Variants in FARP1 observed in about 807,000 individuals in gnomAD.
The protein encoded by FARP1 is FERM, ARHGEF and pleckstrin domain-containing protein 1.
In FARP1, 52 loss-of-function variants were observed where a neutral mutation model predicts 128.8. That is an observed-to-expected ratio of 0.40 (90% CI 0.32 to 0.51). The LOEUF is 0.51. Ranked by LOEUF, FARP1 falls within the 20% of genes least tolerant of loss-of-function variation. The pLI is 0.45. For synonymous variants in FARP1, 580 were observed against 551.8 expected (o/e 1.05, Z -0.72); for missense variants, 1,333 against 1,367.9 (o/e 0.97, Z 0.40).
In FARP1 at chr13:98,390,890, G is replaced by C; in HGVS notation, c.1088+10G>C. 1.3e-6 allele frequency: 2 copies of C among 1,587,906 alleles called. No homozygotes were observed. The highest frequency in any genetic ancestry group is 8.6e-7 in the Non-Finnish European group (1 of 1,156,394). ...AGGTGCAGTTTGAAAGGTAAGAGAA[G>C]CTTCAATGCTACTTCCAGTCTGAGA... On this transcript the variant is annotated intron_variant, in intron 11 of 26. Transcript: ENST00000319562.
At chr13:98,416,955 C>T (rs1371253948) in intron 16 of FARP1, among the ~76,000 whole-genome samples, 1 of 152,132 alleles carries the variant, frequency 6.6e-6, no homozygotes, top group African/African-American at 2.4e-5. Flanking sequence ...AAACTTTGGC[C>T]AGAGTCACGT....
chr13:98,180,807 A>AT (rs1878450578), intron 1 of FARP1, among the ~76,000 whole-genome samples: 1 of 152,148 alleles, frequency 6.6e-6, no homozygotes, highest in African/African-American at 2.4e-5. Context: ...GCTGTGTTGA[A>AT]TGAGGAATGG....
intron 3 of FARP1, among the ~76,000 whole-genome samples, chr13:98,358,292 C>T (rs1284629518): frequency 6.6e-6 from 1 of 152,094 alleles, no homozygotes; most frequent in Non-Finnish European, 1.5e-5. Context: ...AGCCTGGAAA[C>T]TCACTCAAGG....
At chr13:98,402,473 C>T (rs1890816637) in intron 13 of FARP1, 1 of 152,178 alleles carries the variant, frequency 6.6e-6, no homozygotes, top group African/African-American at 2.4e-5. Flanking sequence ...ACTTAGGAGC[C>T]TGCAGTGGCA....
intron 2 of FARP1, among the ~76,000 whole-genome samples, chr13:98,309,505 C>T (rs1056530390): frequency 6.6e-6 from 1 of 152,036 alleles, no homozygotes; most frequent in Non-Finnish European, 1.5e-5. Flanking sequence ...AATATGGCTA[C>T]TAGAAACTTT....
Position 98,176,239 on chromosome 13 carries a change from G to C in FARP1, c.-24+32747G>C. ...ATGGGAAACCTAAGCCATGGGAATT[G>C]GACACTCATGGGGGTCTTCTGTGAA... On this transcript the variant is annotated intron_variant, in intron 1 of 26. Coordinates refer to ENST00000319562, the MANE Select transcript of FARP1 (RefSeq NM_005766.4). The surrounding 1 kb of genome is among the most constrained non-coding windows in gnomAD (Gnocchi z 6.2). 6.2e-7 allele frequency: 1 copy of C among 1,600,860 alleles called. No homozygotes were observed. The highest frequency in any genetic ancestry group is 8.6e-7 in the Non-Finnish European group (1 of 1,168,538).
intron 11 of FARP1, among the ~76,000 whole-genome samples, chr13:98,391,596 G>A (rs1303988604): frequency 1.3e-5 from 2 of 152,186 alleles, no homozygotes; most frequent in African/African-American, 4.8e-5. Flanking sequence ...TATTATTATT[G>A]TTGTTGGTGT....
At chr13:98,237,503 A>G (rs971669293) in intron 2 of FARP1, among the ~76,000 whole-genome samples, 2 of 152,180 alleles carry the variant, frequency 1.3e-5, no homozygotes, top group Admixed American at 1.3e-4. Context: ...CAGTGAACTC[A>G]AGTGTTTTTA....
chr13:98,335,284 A>G (rs377257909), intron 2 of FARP1, among the ~76,000 whole-genome samples: 2 of 152,310 alleles, frequency 1.3e-5, no homozygotes, highest in South Asian at 4.1e-4. Flanking sequence ...GGCTTAATGG[A>G]CCCACAGGTC....
chr13:98,228,203 A>T (rs1438902434), intron 2 of FARP1, among the ~76,000 whole-genome samples: 3 of 152,148 alleles, frequency 2.0e-5, no homozygotes, highest in Admixed American at 6.5e-5. Flanking sequence ...TACTAAAAAT[A>T]CAAAGAATTA....
chr13:98,276,438 A>G (rs1478452281), intron 2 of FARP1, among the ~76,000 whole-genome samples: 1 of 152,202 alleles, frequency 6.6e-6, no homozygotes. Flanking sequence ...AAAAAAAGCA[A>G]AACACAAGAT....
At chr13:98,445,796 T>G (rs1892793753) in intron 24 of FARP1, 1 of 262,804 alleles carries the variant, frequency 3.8e-6, no homozygotes. Context: ...CTAGTTACCC[T>G]GCAACGAGCC....
intron 3 of FARP1, among the ~76,000 whole-genome samples, chr13:98,353,268 C>T (rs1888510053): frequency 1.3e-5 from 2 of 152,110 alleles, no homozygotes; most frequent in South Asian, 4.1e-4. Flanking sequence ...GGCGGGAGTT[C>T]AGTTTGGAAG....
Position 98,384,854 on chromosome 13 carries a change from A to G in FARP1, c.611+10A>G. 6.5e-7 allele frequency: 1 copy of G among 1,548,712 alleles called. No homozygotes were observed. The highest frequency in any genetic ancestry group is 8.9e-7 in the Non-Finnish European group (1 of 1,120,358). On this transcript the variant is annotated intron_variant, in intron 7 of 26. Coordinates refer to ENST00000319562, the MANE Select transcript of FARP1 (RefSeq NM_005766.4). Reference sequence around the variant, plus strand: ...TTCACCATAACCACATGTAAGTCTCATTCTTGGCTTCATATTCCCTCTGAG... The same window carrying G: ...TTCACCATAACCACATGTAAGTCTCGTTCTTGGCTTCATATTCCCTCTGAG...
chr13:98,389,199 T>G (rs1823709394), intron 9 of FARP1, among the ~76,000 whole-genome samples: 1 of 152,206 alleles, frequency 6.6e-6, no homozygotes, highest in South Asian at 2.1e-4. Context: ...TTTAAATGGT[T>G]TTCCATGGAA....
At chr13:98,215,347 T>C (rs1400554254) in intron 2 of FARP1, among the ~76,000 whole-genome samples, 1 of 152,212 alleles carries the variant, frequency 6.6e-6, no homozygotes, top group Non-Finnish European at 1.5e-5. Context: ...GGATGCCTAC[T>C]CTCTCAAGCA....
At chr13:98,279,267 T>G (rs1884818385) in intron 2 of FARP1, among the ~76,000 whole-genome samples, 1 of 152,194 alleles carries the variant, frequency 6.6e-6, no homozygotes, top group African/African-American at 2.4e-5. Flanking sequence ...CTTTGAAAAT[T>G]TTGTAGATTC....
At chr13:98,376,849 C>G (rs535582272) in intron 5 of FARP1, among the ~76,000 whole-genome samples, 1 of 145,046 alleles carries the variant, frequency 6.9e-6, no homozygotes, top group African/African-American at 2.5e-5. Context: ...GAGATGATAT[C>G]TCATTATAAT....
rs543437168 is a variant in FARP1 at position 98,222,840 on chromosome 13, G to C, written c.171+9427G>C. On this transcript the variant is annotated intron_variant, in intron 2 of 26. Transcript: ENST00000319562. ...TTAAGTAGACATGGGGTTTCACCAT[G>C]TTGGCCAGGATGGTCTTGGTCTCTT... 4.4e-5 allele frequency among the ~76,000 whole-genome samples: 6 copies of C among 135,926 alleles called. No individual in the cohort carries two copies. In the South Asian group the frequency reaches 1.4e-3, roughly 32 times the overall value. The allele number at this position is 135,926 out of a possible 152,430, so 89.2% of individuals were successfully genotyped here. A position where few individuals can be genotyped will look rare whatever the true frequency, so the allele number is the denominator to read the frequency against.
Sources: allele counts gnomAD v4.1 joint callset (sites outside exome capture counted in the v4.1 genomes callset), GRCh38; gene constraint gnomAD v4.1.1; non-coding constraint Gnocchi (gnomAD v3.1); transcripts MANE v1.5; gene names NCBI Gene and HGNC (gene_info 2026-07-23, HGNC 2026-07-21).